Variants in EML6 observed in about 807,000 individuals in gnomAD.
EML6 encodes EMAP like 6, also known as echinoderm microtubule-associated protein-like 6.
EML6 carries 154 observed loss-of-function variants against 240.1 expected under a neutral mutation model. The ratio of observed to expected loss-of-function variants is 0.64; its 90% CI spans 0.56 to 0.73. EML6 has a LOEUF of 0.73. Among genes scored for constraint, EML6 ranks in the 30% least tolerant of loss-of-function variants. EML6 has a pLI of 0.00. For synonymous variants in EML6, 1,148 were observed against 899.0 expected, an observed-to-expected ratio of 1.28 and a Z score of -4.95; for missense variants, 2,964 against 2,474.6, an observed-to-expected ratio of 1.20 and a Z score of -4.20.
At chr2:54,953,649 T>A (rs1676090824) in intron 31 of EML6, among the ~76,000 whole-genome samples, 2 of 152,028 alleles carry the variant, frequency 1.3e-5, no homozygotes, top group South Asian at 4.1e-4. Flanking sequence ...TCCCAGCACT[T>A]TGGGAGGCGG....
intron 16 of EML6, among the ~76,000 whole-genome samples, chr2:54,876,370 C>T (rs1671508083): frequency 6.6e-6 from 1 of 152,162 alleles, no homozygotes; most frequent in Admixed American, 6.5e-5. Context: ...TGAGGCACCT[C>T]TGGGTTTGCA....
At chr2:54,883,585 C>T (rs1188857323) in intron 17 of EML6, among the ~76,000 whole-genome samples, 1 of 152,092 alleles carries the variant, frequency 6.6e-6, no homozygotes, top group Admixed American at 6.5e-5. Flanking sequence ...TTTATATGGC[C>T]CTATGCGGTG....
At chr2:54,894,598 G>A (rs1161891512) in intron 19 of EML6, among the ~76,000 whole-genome samples, 1 of 152,142 alleles carries the variant, frequency 6.6e-6, no homozygotes, top group Non-Finnish European at 1.5e-5. Flanking sequence ...GTTCCATTCT[G>A]TAGGAACCAC....
intron 10 of EML6, among the ~76,000 whole-genome samples, chr2:54,851,099 G>C (rs1013011234): frequency 6.6e-6 from 1 of 152,166 alleles, no homozygotes; most frequent in African/African-American, 2.4e-5. Context: ...GAGAAGCAGA[G>C]ATGATCTTGG....
chr2:54,811,000 G>C (rs974787397), intron 2 of EML6, among the ~76,000 whole-genome samples: 3 of 152,162 alleles, frequency 2.0e-5, no homozygotes, highest in Non-Finnish European at 2.9e-5. Flanking sequence ...AAAATCTTCT[G>C]TCAACTTTAA....
intron 2 of EML6, among the ~76,000 whole-genome samples, chr2:54,731,244 C>A (rs1043843815): frequency 1.1e-4 from 16 of 152,310 alleles, no homozygotes; most frequent in African/African-American, 3.1e-4. Flanking sequence ...ATTAATGCCT[C>A]ATGGGTTTTG....
intron 28 of EML6, among the ~76,000 whole-genome samples, chr2:54,935,285 G>A (rs1675079185): frequency 6.6e-6 from 1 of 152,122 alleles, no homozygotes; most frequent in Admixed American, 6.5e-5. Flanking sequence ...TGGGCTCTAT[G>A]AGTACACATA....
chr2:54,733,308 A>G (rs1244212884), intron 2 of EML6, among the ~76,000 whole-genome samples: 1 of 152,192 alleles, frequency 6.6e-6, no homozygotes, highest in Non-Finnish European at 1.5e-5. Context: ...CCAGGAAAAC[A>G]TTTTTCTGTG....
At chr2:54,835,772 G>T (rs1669108569) in intron 7 of EML6, among the ~76,000 whole-genome samples, 1 of 152,056 alleles carries the variant, frequency 6.6e-6, no homozygotes, top group African/African-American at 2.4e-5. Context: ...GCAGAGTTGC[G>T]ACTGGCATCT....
intron 18 of EML6, 32 bp downstream of exon 18, chr2:54,891,186 T>C (rs1301454340): frequency 6.3e-6 from 7 of 1,109,894 alleles, no homozygotes; most frequent in South Asian, 4.7e-5. Flanking sequence ...ATTTATGTGA[T>C]TGAGAGCTTT....
chr2:54,857,045 A>G (rs1414483085), intron 11 of EML6, among the ~76,000 whole-genome samples: 1 of 152,184 alleles, frequency 6.6e-6, no homozygotes, highest in Non-Finnish European at 1.5e-5. Context: ...GATGACTTCT[A>G]AGTTTGGGAC....
intron 2 of EML6, among the ~76,000 whole-genome samples, chr2:54,812,473 G>A (rs1558570620): frequency 1.3e-5 from 2 of 151,840 alleles, no homozygotes; most frequent in Non-Finnish European, 2.9e-5. Context: ...CCCAACGTCT[G>A]TTTTTTAGAA....
Position 54,928,446 on chromosome 2 carries a change from TTG to T in EML6, c.3812_3813del (p.Val1271GlyfsTer24), listed in dbSNP as rs1369781937. 15 of 1,550,618 alleles carry T rather than the reference TTG, an allele frequency of 9.7e-6. No homozygotes were observed. Among genetic ancestry groups the T allele is most frequent in the Non-Finnish European group, 1.2e-5 (14 of 1,146,380 alleles). ...GCCCTGATGATCTGGACCAGGGAGT[TTG>T]TGGGGACCCAGGAGAGCAAGCTGGT... On this transcript the variant is annotated frameshift_variant, in exon 27 of 42. Coordinates refer to ENST00000356458, the MANE Select transcript of EML6 (RefSeq NM_001039753.4). LOFTEE classifies it high-confidence loss of function.
At chr2:54,825,741 A>G (rs970488554) in intron 5 of EML6, among the ~76,000 whole-genome samples, 32 of 152,198 alleles carry the variant, frequency 2.1e-4, no homozygotes, top group African/African-American at 7.0e-4. Context: ...ACGCACACAC[A>G]TAGGACAGCC....
In EML6 at chr2:54,838,668, G is replaced by T. The variant is rs147784765; in HGVS notation, c.848-5379G>T. On this transcript the variant is annotated intron_variant, in intron 7 of 41. Coordinates refer to ENST00000356458, the MANE Select transcript of EML6 (RefSeq NM_001039753.4). ...GTCTGAGTATAAAATCAGGGCCACG[G>T]ACTGGTGAGGATTTGGTCTTGGCAT... Among the ~76,000 whole-genome samples, 206 of 152,326 alleles carry T rather than the reference G, an allele frequency of 1.4e-3. 1 individual carries two copies. Among genetic ancestry groups the T allele is most frequent in the African/African-American group, 4.7e-3 (197 of 41,580 alleles).
At chr2:54,931,764 C>G (rs1279035210) in intron 28 of EML6, among the ~76,000 whole-genome samples, 4 of 152,150 alleles carry the variant, frequency 2.6e-5, no homozygotes, top group East Asian at 1.9e-4. Context: ...GACAACCACT[C>G]CACGCAGGGT....
At chr2:54,806,289 C>G (rs1312243869) in intron 2 of EML6, among the ~76,000 whole-genome samples, 1 of 152,036 alleles carries the variant, frequency 6.6e-6, no homozygotes, top group Non-Finnish European at 1.5e-5. Flanking sequence ...CACCATAGCT[C>G]TCTATGTACA....
intron 2 of EML6, among the ~76,000 whole-genome samples, chr2:54,775,074 C>T (rs1668541202): frequency 6.6e-6 from 1 of 152,228 alleles, no homozygotes; most frequent in Non-Finnish European, 1.5e-5. Context: ...CAGCATTTCT[C>T]ACCTGTGCCT....
intron 28 of EML6, among the ~76,000 whole-genome samples, chr2:54,934,519 G>A (rs912453907): frequency 6.6e-6 from 1 of 151,946 alleles, no homozygotes; most frequent in Non-Finnish European, 1.5e-5. Context: ...GAGTTATATA[G>A]TATCAACTTA....
Sources: allele counts gnomAD v4.1 joint callset (sites outside exome capture counted in the v4.1 genomes callset), GRCh38; gene constraint gnomAD v4.1.1; transcripts MANE v1.5; gene names NCBI Gene and HGNC (gene_info 2026-07-23, HGNC 2026-07-21).